DLG2: variants seen among roughly 807,000 people sequenced by gnomAD.
DLG2 encodes the protein disks large homolog 2.
DLG2 carries 45 observed loss-of-function variants against 132.5 expected under a neutral mutation model. The ratio of observed to expected loss-of-function variants is 0.34; its 90% CI spans 0.27 to 0.44. DLG2 has a LOEUF of 0.44. Among genes scored for constraint, DLG2 ranks in the 20% least tolerant of loss-of-function variants. DLG2 has a pLI of 1.00. For synonymous variants in DLG2, 424 were observed against 419.6 expected, an observed-to-expected ratio of 1.01 and a Z score of -0.13; for missense variants, 1,045 against 1,196.9, an observed-to-expected ratio of 0.87 and a Z score of 1.87.
At chr11:83,827,295 A>G (rs1342340959) in intron 17 of DLG2, among the ~76,000 whole-genome samples, 1 of 152,162 alleles carries the variant, frequency 6.6e-6, no homozygotes, top group Non-Finnish European at 1.5e-5. Flanking sequence ...AAGATGGAGA[A>G]TAGTCTGTAT....
intron 6 of DLG2, among the ~76,000 whole-genome samples, chr11:84,780,229 T>A (rs1191981500): frequency 6.6e-6 from 1 of 152,050 alleles, no homozygotes; most frequent in Non-Finnish European, 1.5e-5. Context: ...GATGGCTCAA[T>A]ATTCTCAAAT....
intron 7 of DLG2, among the ~76,000 whole-genome samples, chr11:84,296,784 A>G (rs1354673900): frequency 6.6e-6 from 1 of 152,182 alleles, no homozygotes; most frequent in East Asian, 1.9e-4. Context: ...ATATGCTCAA[A>G]AAAGCTAAAA....
chr11:84,352,740 G>C (rs954291735), intron 7 of DLG2, among the ~76,000 whole-genome samples: 1 of 152,128 alleles, frequency 6.6e-6, no homozygotes, highest in African/African-American at 2.4e-5. Context: ...TCTGGGAAGG[G>C]GTAATATGCC....
intron 6 of DLG2, among the ~76,000 whole-genome samples, chr11:84,667,498 G>GTTTTTTTTTTTTTTTTTTTTTTTTTT (rs57863742): frequency 8.2e-6 from 1 of 122,272 alleles, no homozygotes; most frequent in Non-Finnish European, 1.6e-5. Flanking sequence ...TTTGTTTTTT[G>GTTTTTTTTTTTTTTTTTTTTTTTTTT]TTTTTTTTTT....
intron 17 of DLG2, among the ~76,000 whole-genome samples, chr11:83,800,180 G>A (rs1159448677): frequency 1.3e-5 from 2 of 152,146 alleles, no homozygotes. Context: ...CACAATCCTA[G>A]GAGTCAGGAG....
chr11:85,341,165 C>A (rs1174151668), intron 3 of DLG2, among the ~76,000 whole-genome samples: 2 of 152,120 alleles, frequency 1.3e-5, no homozygotes, highest in Non-Finnish European at 2.9e-5. Context: ...GTCGCCCAGG[C>A]TGGAGTGTAG....
chr11:84,478,819 C>T (rs1440863344), intron 7 of DLG2, among the ~76,000 whole-genome samples: 1 of 151,942 alleles, frequency 6.6e-6, no homozygotes, highest in Non-Finnish European at 1.5e-5. Flanking sequence ...TTAAGCTGAA[C>T]CCAGATTTCC....
intron 11 of DLG2, among the ~76,000 whole-genome samples, chr11:84,014,067 A>G (rs554250899): frequency 6.6e-6 from 1 of 152,234 alleles, no homozygotes; most frequent in Admixed American, 6.5e-5. Context: ...CATACCTAGT[A>G]GAGTTGTGTA....
intron 7 of DLG2, among the ~76,000 whole-genome samples, chr11:84,532,293 T>C (rs925512135): frequency 6.6e-6 from 1 of 152,070 alleles, no homozygotes; most frequent in African/African-American, 2.4e-5. Context: ...ATGCACTTAT[T>C]TCAAATATTT....
At chr11:84,778,611 A>C (rs879631262) in intron 6 of DLG2, among the ~76,000 whole-genome samples, 1 of 152,124 alleles carries the variant, frequency 6.6e-6, no homozygotes, top group Non-Finnish European at 1.5e-5. Flanking sequence ...GTTATCTACA[A>C]TTTATTTCAT....
intron 6 of DLG2, among the ~76,000 whole-genome samples, chr11:84,902,235 A>T (rs1239636728): frequency 6.6e-6 from 1 of 152,094 alleles, no homozygotes; most frequent in Non-Finnish European, 1.5e-5. Flanking sequence ...CCAGATGGCA[A>T]ATCCATGGCT....
chr11:83,845,613 T>C (rs183867208), intron 16 of DLG2, among the ~76,000 whole-genome samples: 2 of 152,174 alleles, frequency 1.3e-5, no homozygotes, highest in Admixed American at 1.3e-4. Flanking sequence ...ATATACAATA[T>C]AGAGCAGGCT....
intron 12 of DLG2, among the ~76,000 whole-genome samples, chr11:83,977,449 A>C (rs1367236936): frequency 6.6e-6 from 1 of 152,066 alleles, no homozygotes; most frequent in Admixed American, 6.6e-5. Flanking sequence ...CTGTATTCCT[A>C]GTCCAAAATA....
chr11:83,871,938 T>A (rs2063528679), intron 16 of DLG2, among the ~76,000 whole-genome samples: 1 of 152,128 alleles, frequency 6.6e-6, no homozygotes, highest in African/African-American at 2.4e-5. Context: ...TTATTGACGG[T>A]CCAATATGTA....
Position 83,888,662 on chromosome 11 carries a change from AC to A in DLG2, c.1497-14175del, listed in dbSNP as rs2068710148. Among the ~76,000 whole-genome samples the A allele has an allele frequency of 2.6e-5, 4 of 152,292 alleles. No homozygotes were observed. The South Asian group carries it at 8.3e-4, about 32-fold the overall frequency. On this transcript the variant is annotated intron_variant, in intron 15 of 27. Transcript: ENST00000376104. The stretch of plus-strand genomic sequence containing the variant: ...ACCAAGTCAATCCTAAGCCAAAAGA[AC>A]AAAGCTGGAGGCATCACGTTACCTG...
chr11:84,426,007 A>G (rs2098965306), intron 7 of DLG2, among the ~76,000 whole-genome samples: 1 of 152,048 alleles, frequency 6.6e-6, no homozygotes, highest in African/African-American at 2.4e-5. Flanking sequence ...AGACATGGTA[A>G]AGTCACATCA....
chr11:84,343,820 AT>A (rs914158941), intron 7 of DLG2, among the ~76,000 whole-genome samples: 8 of 152,286 alleles, frequency 5.3e-5, no homozygotes, highest in Middle Eastern at 3.4e-3. Flanking sequence ...TAAAATTTAC[AT>A]TTTTTTCCTA....
rs868699977 is a variant in DLG2, at chr11:84,928,982, G to A, written c.357+182679C>T. Reference sequence around the variant, plus strand: ...TATGTGTGTGTGTGTGTGTGTGTGTGTATATATATATATATATATATATAT... The same window carrying A: ...TATGTGTGTGTGTGTGTGTGTGTGTATATATATATATATATATATATATAT... On this transcript the variant is annotated intron_variant, in intron 6 of 27. Transcript: ENST00000376104. 7.9e-3 allele frequency among the ~76,000 whole-genome samples: 389 copies of A among 49,054 alleles called. 13 individuals carry two copies. Among genetic ancestry groups the A allele is most frequent in the African/African-American group, 0.031 (339 of 11,056 alleles). 32.2% of individuals were successfully genotyped at this position (49,054 alleles called of 152,430 possible).
At chr11:83,908,636 C>T (rs1355570175) in intron 15 of DLG2, among the ~76,000 whole-genome samples, 1 of 152,128 alleles carries the variant, frequency 6.6e-6, no homozygotes, top group Non-Finnish European at 1.5e-5. Flanking sequence ...CCATTCCTAG[C>T]AGAGTAAACA....
Sources: gnomAD v4.1 joint callset for allele counts (sites outside exome capture counted in the v4.1 genomes callset) on GRCh38, gnomAD v4.1.1 for gene constraint, MANE v1.5 for transcripts, NCBI Gene and HGNC (gene_info 2026-07-23, HGNC 2026-07-21) for gene names.